SLC12A6: variants seen among roughly 807,000 people sequenced by gnomAD.
SLC12A6 encodes the protein solute carrier family 12 member 6.
A neutral mutation model predicts 135.3 loss-of-function variants in SLC12A6; 66 were observed. That is an observed-to-expected ratio of 0.49 (90% CI 0.40 to 0.60). SLC12A6 has a LOEUF of 0.60. SLC12A6 is among the 20% of genes least tolerant of loss of function. The pLI, the probability that SLC12A6 is intolerant of heterozygous loss-of-function variation, is 0.00. For missense variants in SLC12A6, 1,058 were observed against 1,452.3 expected, an observed-to-expected ratio of 0.73 and a Z score of 4.41; for synonymous variants, 513 against 508.8, an observed-to-expected ratio of 1.01 and a Z score of -0.11.
At position 34,229,812 on chromosome 15, in the gene SLC12A6, C is replaced by G. The variant is rs1489161340; in HGVS notation, c.*4069G>C. On this transcript the variant is annotated 3_prime_UTR_variant, in exon 26 of 26. Transcript: ENST00000354181. ...GAACATGAGAAAGCAGCGCCTGGTC[C>G]CTATGTATTTGGGTCTTATTTACAT... 1.1e-5 allele frequency: 18 copies of G among 1,611,444 alleles called. No individual in the cohort carries two copies. The highest frequency in any genetic ancestry group is 1.5e-5 in the Non-Finnish European group (18 of 1,177,796).
intron 2 of SLC12A6, among the ~76,000 whole-genome samples, chr15:34,279,979 A>T (rs966892505): frequency 6.6e-6 from 1 of 152,234 alleles, no homozygotes; most frequent in Non-Finnish European, 1.5e-5. Context: ...AGTAAGAATG[A>T]AGATTTTAGT....
At chr15:34,301,031 C>T (rs1374921604) in intron 2 of SLC12A6, among the ~76,000 whole-genome samples, 2 of 152,008 alleles carry the variant, frequency 1.3e-5, no homozygotes, top group African/African-American at 2.4e-5. Flanking sequence ...TGCAATGGCG[C>T]GATCTCGGCT....
intron 2 of SLC12A6, among the ~76,000 whole-genome samples, chr15:34,287,147 C>T (rs559930878): frequency 3.2e-4 from 48 of 151,988 alleles, no homozygotes; most frequent in African/African-American, 1.1e-3. Context: ...TCCCTACCCC[C>T]CCGGGCTCTG....
intron 2 of SLC12A6, among the ~76,000 whole-genome samples, chr15:34,320,271 G>A (rs6495660): frequency 0.19 from 28,209 of 152,160 alleles, 2,873 homozygotes; most frequent in East Asian, 0.33. Context: ...ATGAGTATAT[G>A]AAGAAAATGT....
At chr15:34,318,907 G>C in intron 2 of SLC12A6, 1 of 1,058,508 alleles carries the variant, frequency 9.4e-7, no homozygotes, top group Non-Finnish European at 1.3e-6. Flanking sequence ...AAAGGATTAA[G>C]CACTCCACCC....
intron 3 of SLC12A6, among the ~76,000 whole-genome samples, chr15:34,263,120 A>G (rs1893267061): frequency 6.6e-6 from 1 of 151,470 alleles, no homozygotes; most frequent in Admixed American, 6.6e-5. Context: ...AATCCAAAAT[A>G]AAAGTTGAAA....
At chr15:34,245,635 C>T in intron 14 of SLC12A6, 58 bp downstream of exon 14, 1 of 1,422,968 alleles carries the variant, frequency 7.0e-7, no homozygotes, top group Non-Finnish European at 9.9e-7. Context: ...ATGAAGACCA[C>T]ACTGTTTCTC....
chr15:34,235,430 G>GA lies in SLC12A6; in HGVS notation c.3228-117dup. On this transcript the variant is annotated intron_variant, in intron 24 of 25. Transcript: ENST00000354181. Reference sequence around the variant, plus strand: ...TTGACTATGGATAATCTGATAAAATGATTTTTTTTTTTTTTTTTTTTGAGA... The same window carrying GA: ...TTGACTATGGATAATCTGATAAAATGAATTTTTTTTTTTTTTTTTTTTGAGA... The GA allele has an allele frequency of 5.6e-6, 3 of 539,790 alleles. No homozygotes were observed. The East Asian group carries it at 1.3e-4, about 23-fold the overall frequency. 33.4% of individuals were successfully genotyped at this position (539,790 alleles called of 1,614,324 possible).
chr15:34,296,411 G>A (rs1895881648), intron 2 of SLC12A6, among the ~76,000 whole-genome samples: 2 of 152,134 alleles, frequency 1.3e-5, no homozygotes, highest in Admixed American at 1.3e-4. Context: ...AGGCTCAATG[G>A]TTCATCCAAG....
chr15:34,277,371 G>A (rs2140897518), intron 2 of SLC12A6, among the ~76,000 whole-genome samples: 1 of 152,248 alleles, frequency 6.6e-6, no homozygotes, highest in Admixed American at 6.5e-5. Flanking sequence ...AAGAGTTAGA[G>A]GCCCCAGTGA....
At chr15:34,322,885 G>A (rs2141140481) in intron 2 of SLC12A6, among the ~76,000 whole-genome samples, 1 of 149,852 alleles carries the variant, frequency 6.7e-6, no homozygotes, top group East Asian at 2.0e-4. Flanking sequence ...GGCTGAGGCA[G>A]GAGAATCGCT....
At chr15:34,323,620 C>A (rs1000282465) in intron 2 of SLC12A6, among the ~76,000 whole-genome samples, 1 of 152,286 alleles carries the variant, frequency 6.6e-6, no homozygotes, top group South Asian at 2.1e-4. Flanking sequence ...ATGAAACCAG[C>A]CTCTGGTGCC....
At chr15:34,304,759 A>G (rs1896487112) in intron 2 of SLC12A6, among the ~76,000 whole-genome samples, 2 of 152,164 alleles carry the variant, frequency 1.3e-5, no homozygotes, top group African/African-American at 4.8e-5. Flanking sequence ...TACTTATCAC[A>G]TTGTAAATAT....
At chr15:34,322,978 CAAAA>C (rs1218702689) in intron 2 of SLC12A6, among the ~76,000 whole-genome samples, 8 of 39,036 alleles carry the variant, frequency 2.0e-4, no homozygotes, top group Non-Finnish European at 3.0e-4. Context: ...AACTCTGTCT[CAAAA>C]AAAAAAAAAA....
intron 3 of SLC12A6, among the ~76,000 whole-genome samples, chr15:34,264,189 T>C (rs185108158): frequency 6.6e-6 from 1 of 152,344 alleles, no homozygotes; most frequent in East Asian, 1.9e-4. Flanking sequence ...TAATCAATGG[T>C]TGTTAAAACC....
chr15:34,229,817 G>C lies in SLC12A6; in HGVS notation c.*4064C>G. On this transcript the variant is annotated 3_prime_UTR_variant, in exon 26 of 26. Coordinates refer to ENST00000354181, the MANE Select transcript of SLC12A6 (RefSeq NM_001365088.1). ...TGAGAAAGCAGCGCCTGGTCCCTAT[G>C]TATTTGGGTCTTATTTACATCCTTC... 6.2e-7 allele frequency: 1 copy of C among 1,610,382 alleles called. No individual in the cohort carries two copies. Among genetic ancestry groups the C allele is most frequent in the South Asian group, 1.1e-5 (1 of 90,994 alleles).
At chr15:34,265,698 T>C (rs186596707) in intron 3 of SLC12A6, among the ~76,000 whole-genome samples, 30 of 152,314 alleles carry the variant, frequency 2.0e-4, no homozygotes, top group African/African-American at 7.0e-4. Context: ...AGATTTGCAT[T>C]AACTGGCTCT....
At chr15:34,259,475 C>A (rs993329831) in intron 4 of SLC12A6, among the ~76,000 whole-genome samples, 2 of 152,012 alleles carry the variant, frequency 1.3e-5, no homozygotes, top group African/African-American at 4.8e-5. Context: ...CAGAGTGAGA[C>A]CCTGTCTCTG....
At chr15:34,276,373 C>T (rs1456830739) in intron 2 of SLC12A6, among the ~76,000 whole-genome samples, 1 of 152,140 alleles carries the variant, frequency 6.6e-6, no homozygotes, top group East Asian at 1.9e-4. Flanking sequence ...ACTACATTGG[C>T]TTTCATAAAT....
Sources: allele counts gnomAD v4.1 joint callset (sites outside exome capture counted in the v4.1 genomes callset), GRCh38; gene constraint gnomAD v4.1.1; transcripts MANE v1.5; gene names NCBI Gene and HGNC (gene_info 2026-07-23, HGNC 2026-07-21).